The following WDR70 variants were observed in gnomAD, a reference collection of about 807,000 sequenced individuals.
WDR70 encodes the protein WD repeat domain 70, also known as WD repeat-containing protein 70.
WDR70 carries 53 observed loss-of-function variants against 88.6 expected under a neutral mutation model. The ratio of observed to expected loss-of-function variants is 0.60; its 90% CI spans 0.48 to 0.75. WDR70 has a LOEUF of 0.75. Among genes scored for constraint, WDR70 ranks in the 30% least tolerant of loss-of-function variants. The pLI, the probability that WDR70 is intolerant of heterozygous loss-of-function variation, is 0.00. For synonymous variants in WDR70, 280 were observed against 270.0 expected (o/e 1.04, Z -0.36); for missense variants, 610 against 823.2 (o/e 0.74, Z 3.17).
chr5:37,541,832 T>A (rs1441276931), intron 9 of WDR70, among the ~76,000 whole-genome samples: 1 of 152,008 alleles, frequency 6.6e-6, no homozygotes, highest in Non-Finnish European at 1.5e-5. Flanking sequence ...CCAGAGACTT[T>A]AAAAAAAATC....
intron 7 of WDR70, among the ~76,000 whole-genome samples, chr5:37,475,627 C>T (rs577533099): frequency 6.6e-6 from 1 of 152,266 alleles, no homozygotes; most frequent in East Asian, 1.9e-4. Context: ...TATGTTTTTA[C>T]ATTCTTTTAA....
At chr5:37,702,868 A>G (rs569898957) in intron 12 of WDR70, 81 bp from the exon 13 acceptor site, 2 of 1,425,328 alleles carry the variant, frequency 1.4e-6, no homozygotes, top group East Asian at 2.3e-5. Context: ...AGAGATGTTT[A>G]TATTTTATTT....
intron 10 of WDR70, among the ~76,000 whole-genome samples, chr5:37,670,173 A>G (rs922368116): frequency 6.6e-6 from 1 of 152,110 alleles, no homozygotes; most frequent in Non-Finnish European, 1.5e-5. Context: ...AGTGCATGGT[A>G]TGTGAATTGT....
At chr5:37,537,367 G>A (rs1581376575) in intron 9 of WDR70, among the ~76,000 whole-genome samples, 2 of 152,138 alleles carry the variant, frequency 1.3e-5, no homozygotes, top group African/African-American at 4.8e-5. Context: ...AATGGGATCT[G>A]TGGGCTTGTA....
chr5:37,692,680 A>C (rs1746838009), intron 10 of WDR70, among the ~76,000 whole-genome samples: 1 of 152,136 alleles, frequency 6.6e-6, no homozygotes, highest in Non-Finnish European at 1.5e-5. Context: ...TCATGAGAAA[A>C]CCTCTCAATA....
intron 8 of WDR70, among the ~76,000 whole-genome samples, chr5:37,514,547 ACCCTGCACCCCCGAGGGGC>A: frequency 6.7e-6 from 1 of 150,244 alleles, no homozygotes; most frequent in African/African-American, 2.4e-5. Flanking sequence ...CCTTCCTTCC[ACCCTGCACCCCCGAGGGGC>A]CCCAGTTCGT....
intron 5 of WDR70, among the ~76,000 whole-genome samples, chr5:37,421,755 T>C (rs6451316): frequency 0.12 from 18,366 of 151,948 alleles, 3,655 homozygotes; most frequent in African/African-American, 0.41. Context: ...TTTGAGAAGA[T>C]GGTTCAGGTT....
At chr5:37,490,099 T>A (rs1336311928) in intron 8 of WDR70, among the ~76,000 whole-genome samples, 2 of 152,108 alleles carry the variant, frequency 1.3e-5, no homozygotes, top group African/African-American at 2.4e-5. Context: ...GGTCTCCTTA[T>A]GTGCATGTGC....
intron 7 of WDR70, among the ~76,000 whole-genome samples, chr5:37,445,989 AAT>A (rs1738464922): frequency 6.6e-6 from 1 of 152,178 alleles, no homozygotes; most frequent in African/African-American, 2.4e-5. Context: ...GAAAAAGAGG[AAT>A]TGAAATTGTC....
At chr5:37,657,696 G>A (rs1258408140) in intron 10 of WDR70, among the ~76,000 whole-genome samples, 1 of 152,290 alleles carries the variant, frequency 6.6e-6, no homozygotes, top group East Asian at 1.9e-4. Flanking sequence ...CTTAGTCTTT[G>A]TCACTGAATC....
intron 7 of WDR70, among the ~76,000 whole-genome samples, chr5:37,449,604 TAA>T (rs58179518): frequency 3.1e-5 from 3 of 95,446 alleles, no homozygotes; most frequent in African/African-American, 7.8e-5. Flanking sequence ...AAAAAAAAAA[TAA>T]AAAATAAAAA....
At position 37,702,999 on chromosome 5, in the gene WDR70, C is replaced by A; in HGVS notation, c.1328C>A (p.Ser443Tyr). The A allele has an allele frequency of 6.2e-7, 1 of 1,613,866 alleles. No homozygotes were observed. Among genetic ancestry groups the A allele is most frequent in the Non-Finnish European group, 8.5e-7 (1 of 1,179,808 alleles). ...PDDKLIVTGT[S>Y]IQRGCGSGKL... ...GATAAGCTCATAGTCACTGGTACATCTATTCAAAGAGGATGTGGCAGCGGC... is the reference window on the plus strand; with the variant it reads ...GATAAGCTCATAGTCACTGGTACATATATTCAAAGAGGATGTGGCAGCGGC... The change falls in exon 13 of 18, where the codon TCT (serine) becomes TAT (tyrosine). Residue 443 changes from serine to tyrosine, a missense_variant. Physicochemically the swap from Ser to Tyr is moderately radical, Grantham distance 144 (BLOSUM62 -2). Around this residue, in one of 4 missense-constraint regions of WDR70, gnomAD observed 254 missense variants for 300.7 expected, o/e 0.84. Coordinates refer to ENST00000265107, the MANE Select transcript of WDR70 (RefSeq NM_018034.4).
intron 9 of WDR70, among the ~76,000 whole-genome samples, chr5:37,551,091 G>A (rs1042756217): frequency 2.0e-5 from 3 of 152,052 alleles, no homozygotes; most frequent in African/African-American, 7.2e-5. Context: ...ATCACCTGAG[G>A]TCAGGAGTTC....
At chr5:37,698,281 T>C (rs1237313359) in intron 11 of WDR70, among the ~76,000 whole-genome samples, 2 of 152,206 alleles carry the variant, frequency 1.3e-5, no homozygotes, top group African/African-American at 4.8e-5. Context: ...TGGATATAGC[T>C]TCCTAATTTT....
chr5:37,663,277 A>G (rs1745749079), intron 10 of WDR70, among the ~76,000 whole-genome samples: 3 of 152,238 alleles, frequency 2.0e-5, no homozygotes, highest in Admixed American at 1.3e-4. Context: ...GCAAATTTAA[A>G]CCAGTTAACT....
intron 17 of WDR70, among the ~76,000 whole-genome samples, chr5:37,741,364 G>T (rs1390264513): frequency 2.6e-5 from 4 of 151,564 alleles, no homozygotes; most frequent in African/African-American, 4.9e-5. Flanking sequence ...ACATTGTTGT[G>T]CAAACTCTCC....
intron 9 of WDR70, among the ~76,000 whole-genome samples, chr5:37,596,397 T>C (rs563196500): frequency 1.3e-5 from 2 of 152,302 alleles, no homozygotes; most frequent in African/African-American, 4.8e-5. Context: ...TTCTGTATTT[T>C]CTAGCTTCTC....
intron 9 of WDR70, among the ~76,000 whole-genome samples, chr5:37,525,248 A>T (rs1429082056): frequency 6.6e-6 from 1 of 152,206 alleles, no homozygotes; most frequent in Non-Finnish European, 1.5e-5. Context: ...TCCTCAGCAA[A>T]TGTAAAAGAA....
chr5:37,549,219 C>T (rs567538626), intron 9 of WDR70, among the ~76,000 whole-genome samples: 1 of 152,278 alleles, frequency 6.6e-6, no homozygotes, highest in Non-Finnish European at 1.5e-5. Flanking sequence ...CTGTAGATTG[C>T]TCTGGGTAGT....
Sources: gnomAD v4.1 joint callset for allele counts (sites outside exome capture counted in the v4.1 genomes callset) on GRCh38, gnomAD v4.1.1 for gene constraint, gnomAD v4.1.1 regional missense constraint, MANE v1.5 for transcripts, NCBI Gene and HGNC (gene_info 2026-07-23, HGNC 2026-07-21) for gene names.